Variants in TPTE2 observed in about 807,000 individuals in gnomAD.
TPTE2 encodes the protein phosphatidylinositol 3,4,5-trisphosphate 3-phosphatase TPTE2.
A neutral mutation model predicts 78.6 loss-of-function variants in TPTE2; 53 were observed. That is an observed-to-expected ratio of 0.67 (90% CI 0.54 to 0.85). The LOEUF (loss-of-function observed/expected upper bound fraction) is 0.85. Among genes scored for constraint, TPTE2 ranks in the 40% least tolerant of loss-of-function variants. TPTE2 has a pLI of 0.00. For synonymous variants in TPTE2, 175 were observed against 206.2 expected (o/e 0.85, Z 1.30); for missense variants, 461 against 623.0 (o/e 0.74, Z 2.77).
intron 1 of TPTE2, among the ~76,000 whole-genome samples, chr13:19,510,585 T>C (rs1869368327): frequency 1.3e-5 from 2 of 152,188 alleles, no homozygotes; most frequent in African/African-American, 4.8e-5. Context: ...AATTTCAACA[T>C]GCGGTTTGGG....
the TPTE2 span, among the ~76,000 whole-genome samples, chr13:19,544,624 G>A: frequency 0.018 from 2,703 of 152,228 alleles, 39 homozygotes; most frequent in Non-Finnish European, 0.026. Context: ...GGCCAGGCAC[G>A]GTGGCTCATG....
At chr13:19,560,812 C>T in the TPTE2 span, 8 of 1,510,112 alleles carry the variant, frequency 5.3e-6, no homozygotes, top group African/African-American at 9.8e-5. Context: ...TCCCGCCCAC[C>T]CCGGACGCGG....
chr13:19,455,533 A>C (rs1301665100), intron 10 of TPTE2, among the ~76,000 whole-genome samples: 1 of 151,714 alleles, frequency 6.6e-6, no homozygotes, highest in Non-Finnish European at 1.5e-5. Flanking sequence ...ATTCATCCAG[A>C]TGGAGGATGA....
chr13:19,471,369 C>T (rs1475746541), intron 6 of TPTE2, among the ~76,000 whole-genome samples: 1 of 152,086 alleles, frequency 6.6e-6, no homozygotes, highest in Non-Finnish European at 1.5e-5. Flanking sequence ...TCCTTCCTGT[C>T]TTCCAATAGT....
chr13:19,545,989 GCAACAAAGTGAGACCC>G, the TPTE2 span, among the ~76,000 whole-genome samples: 1 of 152,140 alleles, frequency 6.6e-6, no homozygotes, highest in South Asian at 2.1e-4. Context: ...ACCAGCCTGA[GCAACAAAGTGAGACCC>G]CAACAAAGTG....
chr13:19,558,599 G>A, the TPTE2 span, among the ~76,000 whole-genome samples: 1 of 152,338 alleles, frequency 6.6e-6, no homozygotes, highest in South Asian at 2.1e-4. Context: ...GTTGCATTCT[G>A]TGAGACAGTG....
rs112942637 is a variant in TPTE2 at position 19,441,087 on chromosome 13, C to CA, written c.974-2935dup. 7.2e-3 allele frequency among the ~76,000 whole-genome samples: 959 copies of CA among 133,202 alleles called. 9 individuals are homozygous for CA. Among genetic ancestry groups the CA allele is most frequent in the African/African-American group, 0.02 (743 of 36,774 alleles). The allele number at this position is 133,202 out of a possible 152,430, so 87.4% of individuals were successfully genotyped here. On this transcript the variant is annotated intron_variant, in intron 13 of 19. Transcript: ENST00000400230. ...GGGCAACAAGAGCAAAACTCCCTCT[C>CA]AAAAAAAAAAAAAATAATTTCCTTT... is the stretch of plus-strand genomic sequence containing the variant.
exon 8 of TPTE2, chr13:19,465,500 G>C: frequency 6.2e-7 from 1 of 1,609,786 alleles, no homozygotes; most frequent in Non-Finnish European, 8.5e-7. Flanking sequence ...TGTCTTTTTT[G>C]ATGAAGCAGA....
the TPTE2 span, among the ~76,000 whole-genome samples, chr13:19,545,401 G>A: frequency 6.6e-6 from 1 of 152,206 alleles, no homozygotes; most frequent in Admixed American, 6.5e-5. Flanking sequence ...TCCTGAAGAA[G>A]ATGGGCAGTT....
intron 9 of TPTE2, 85 bp from the exon 13 acceptor site, chr13:19,464,605 C>T: frequency 2.1e-6 from 3 of 1,437,544 alleles, no homozygotes. Context: ...TGATCAGACT[C>T]CATTTTCACA....
At chr13:19,446,645 A>G (rs1222705424) in intron 13 of TPTE2, among the ~76,000 whole-genome samples, 1 of 152,190 alleles carries the variant, frequency 6.6e-6, no homozygotes, top group East Asian at 1.9e-4. Flanking sequence ...CTATATTCAA[A>G]ATTACAAACT....
intron 10 of TPTE2, among the ~76,000 whole-genome samples, chr13:19,452,986 A>ATTTATTTTATTTTAT (rs201604917): frequency 0.021 from 411 of 19,830 alleles, 4 homozygotes; most frequent in South Asian, 0.07. Context: ...ATTTTATTTT[A>ATTTATTTTATTTTAT]TTTATTTTAT....
intron 2 of TPTE2, 149 bp downstream of exon 5, chr13:19,493,299 C>G: frequency 5.5e-6 from 4 of 727,118 alleles, no homozygotes; most frequent in Admixed American, 2.4e-5. Context: ...AGTTTGTGTA[C>G]GCGTGTTGAA....
At chr13:19,518,271 A>C (rs1869927097) in intron 1 of TPTE2, among the ~76,000 whole-genome samples, 1 of 152,220 alleles carries the variant, frequency 6.6e-6, no homozygotes, top group African/African-American at 2.4e-5. Context: ...TGTTTAAGGC[A>C]ATGGATATGC....
upstream of TPTE2, among the ~76,000 whole-genome samples, chr13:19,507,324 A>AAAC (rs1372256113): frequency 3.1e-3 from 475 of 150,928 alleles, 3 homozygotes; most frequent in African/African-American, 0.011. Flanking sequence ...AAAAAAAAAA[A>AAAC]ACACATGCAA....
chr13:19,453,981 C>A (rs1213595357), intron 10 of TPTE2, among the ~76,000 whole-genome samples: 1 of 152,170 alleles, frequency 6.6e-6, no homozygotes, highest in African/African-American at 2.4e-5. Flanking sequence ...CCTAAATCTA[C>A]CATACTCTTC....
intron 1 of TPTE2, among the ~76,000 whole-genome samples, chr13:19,494,772 G>T (rs113990119): frequency 0.025 from 3,743 of 152,224 alleles, 64 homozygotes; most frequent in Middle Eastern, 0.051. Context: ...TCCCGCCAGG[G>T]CATTCGGATC....
rs1876791996 is a variant in TPTE2 at position 19,433,051 on chromosome 13, G to C, written c.1117-473C>G. Among the ~76,000 whole-genome samples the C allele has an allele frequency of 2.0e-5, 3 of 152,308 alleles. No homozygotes were observed. The South Asian group carries it at 6.2e-4, about 32-fold the overall frequency. ...ACTCTTCTCTTGTTCCTGACAGCTAGAATTTCTTCACTTTGCATTTCCTCA... is the reference window on the plus strand; with the variant it reads ...ACTCTTCTCTTGTTCCTGACAGCTACAATTTCTTCACTTTGCATTTCCTCA... On this transcript the variant is annotated intron_variant, in intron 15 of 19. Transcript: ENST00000400230.
intron 1 of TPTE2, among the ~76,000 whole-genome samples, chr13:19,494,923 T>C (rs1366845377): frequency 6.6e-6 from 1 of 152,220 alleles, no homozygotes; most frequent in Non-Finnish European, 1.5e-5. Context: ...TAAATTGACC[T>C]GGGATGGCAT....
Sources: gnomAD v4.1 joint callset for allele counts (sites outside exome capture counted in the v4.1 genomes callset) on GRCh38, gnomAD v4.1.1 for gene constraint, MANE v1.5 for transcripts, NCBI Gene and HGNC (gene_info 2026-07-23, HGNC 2026-07-21) for gene names.